BAZ1B: variants seen among roughly 807,000 people sequenced by gnomAD.
The protein encoded by BAZ1B is bromodomain adjacent to zinc finger domain 1B.
In BAZ1B, 22 loss-of-function variants were observed where a neutral mutation model predicts 153.8. The observed-to-expected ratio is 0.14, with a 90% CI of 0.10 to 0.20. BAZ1B has a LOEUF of 0.20. Ranked by LOEUF, BAZ1B falls within the 10% of genes least tolerant of loss-of-function variation. The pLI is 1.00. For synonymous variants in BAZ1B, 676 were observed against 633.4 expected, an observed-to-expected ratio of 1.07 and a Z score of -1.01; for missense variants, 1,325 against 1,799.3, an observed-to-expected ratio of 0.74 and a Z score of 4.77.
In BAZ1B at chr7:73,485,653, A is replaced by T. The variant is rs973211516; in HGVS notation, c.891+3541T>A. ...AAAAAAAAAAAAAAAGAGAGAGAGAATGATAAACAAATATGATAAATGTTA... is the reference window on the plus strand; with the variant it reads ...AAAAAAAAAAAAAAAGAGAGAGAGATTGATAAACAAATATGATAAATGTTA... On this transcript the variant is annotated intron_variant, in intron 6 of 19. Transcript: ENST00000339594. Among the ~76,000 whole-genome samples, 10 of 151,752 alleles carry T rather than the reference A, an allele frequency of 6.6e-5. 1 individual carries two copies. The East Asian group carries it at 1.9e-3, about 29-fold the overall frequency.
chr7:73,504,917 A>G (rs1447720936), intron 3 of BAZ1B, among the ~76,000 whole-genome samples: 4 of 152,190 alleles, frequency 2.6e-5, no homozygotes, highest in Non-Finnish European at 4.4e-5. Flanking sequence ...GAAAGGAGTC[A>G]GAGTAAATTA....
chr7:73,466,119 T>C (rs1159207624), intron 10 of BAZ1B, among the ~76,000 whole-genome samples, 177 bp downstream of exon 10: 3 of 152,154 alleles, frequency 2.0e-5, no homozygotes, highest in Admixed American at 1.3e-4. Context: ...AAAACAAGTA[T>C]CTTCTTAACA....
chr7:73,473,497 T>C (rs1299349986), intron 7 of BAZ1B, among the ~76,000 whole-genome samples: 1 of 152,060 alleles, frequency 6.6e-6, no homozygotes, highest in Non-Finnish European at 1.5e-5. Context: ...GAGGTTGCAG[T>C]GAGCCAGATC....
Position 73,478,371 on chromosome 7 carries a change from C to T in BAZ1B, c.1090G>A (p.Glu364Lys). 1.2e-6 allele frequency: 2 copies of T among 1,612,092 alleles called. No individual in the cohort carries two copies. Among genetic ancestry groups the T allele is most frequent in the South Asian group, 1.1e-5 (1 of 90,562 alleles). ...KNSKNSKSPE[E>K]HLEEMMKMMS... ...ATCTTCATCATTTCTTCTAGATGTT[C>T]TTCAGGAGATTTGGAATTCTTTGAG... is the stretch of plus-strand genomic sequence containing the variant. Residue 364 changes from glutamate (E) to lysine (K), a missense_variant, in exon 7 of 20, where the codon GAA becomes AAA. Glu to Lys is a moderately conservative substitution (Grantham distance 56, BLOSUM62 1). Coordinates refer to ENST00000339594, the MANE Select transcript of BAZ1B (RefSeq NM_032408.4).
Position 73,466,300 on chromosome 7 carries a change from G to C in BAZ1B, c.2968C>G (p.Leu990Val). The change falls in exon 10 of 20, where the codon CTA (leucine) becomes GTA (valine). Residue 990 changes from leucine to valine, a missense_variant. Physicochemically the swap from Leu to Val is conservative, Grantham distance 32. Coordinates refer to ENST00000339594, the MANE Select transcript of BAZ1B (RefSeq NM_032408.4). Reference sequence around the variant, plus strand: ...CCAGATGAATGCTCACATTACCATAGGTTCTGTCCTTGTTTGGGTGTGGTT... The same window carrying C: ...CCAGATGAATGCTCACATTACCATACGTTCTGTCCTTGTTTGGGTGTGGTT... ...ETTTPKQGQN[L>V]WFLCDSQKEL... 1 of 1,603,600 alleles carries C rather than the reference G, an allele frequency of 6.2e-7. No homozygotes were observed. The highest frequency in any genetic ancestry group is 8.5e-7 in the Non-Finnish European group (1 of 1,170,634).
At chr7:73,453,554 G>A (rs1199128256) in intron 13 of BAZ1B, among the ~76,000 whole-genome samples, 1 of 152,236 alleles carries the variant, frequency 6.6e-6, no homozygotes, top group Admixed American at 6.5e-5. Context: ...TATTGAACTT[G>A]AGTTAAAAAC....
At chr7:73,481,956 G>T (rs930712781) in intron 6 of BAZ1B, among the ~76,000 whole-genome samples, 3 of 151,460 alleles carry the variant, frequency 2.0e-5, no homozygotes, top group African/African-American at 7.3e-5. Context: ...GGAGAATGGC[G>T]TGAACCCGGG....
intron 1 of BAZ1B, 100 bp downstream of exon 1, chr7:73,521,727 C>T (rs1334848559): frequency 5.9e-6 from 6 of 1,021,184 alleles, no homozygotes; most frequent in Non-Finnish European, 6.5e-6. Context: ...CTGACAGCTG[C>T]CCCGGGCCGG....
chr7:73,489,090 T>C, intron 6 of BAZ1B, 104 bp downstream of exon 6: 1 of 1,209,568 alleles, frequency 8.3e-7, no homozygotes, highest in Non-Finnish European at 1.1e-6. Context: ...TAATTCATTA[T>C]CTGATGTTAG....
At chr7:73,500,890 T>TAAA (rs1207744313) in intron 3 of BAZ1B, among the ~76,000 whole-genome samples, 4 of 105,272 alleles carry the variant, frequency 3.8e-5, no homozygotes, top group East Asian at 2.6e-4. Context: ...ACTCTGTTTA[T>TAAA]AAAAAAAAAA....
chr7:73,521,319 A>C lies in BAZ1B; in HGVS notation c.107+508T>G, dbSNP rs1431172941. Among the ~76,000 whole-genome samples the C allele has an allele frequency of 2.0e-5, 3 of 152,166 alleles. No individual in the cohort carries two copies. In the East Asian group the frequency reaches 5.8e-4, roughly 29 times the overall value. ...CCCCTCGGGAGACGAAAAAAACGCC[A>C]AGTATCCCCGCAGAGATCGGGGTAA... On this transcript the variant is annotated intron_variant, in intron 1 of 19. Coordinates refer to ENST00000339594, the MANE Select transcript of BAZ1B (RefSeq NM_032408.4).
intron 4 of BAZ1B, among the ~76,000 whole-genome samples, chr7:73,494,682 G>A (rs1186403293): frequency 6.6e-6 from 1 of 152,116 alleles, no homozygotes; most frequent in Non-Finnish European, 1.5e-5. Context: ...CTGGGAGGTT[G>A]AGGCTGCAAT....
At chr7:73,481,987 C>T (rs1285621282) in intron 6 of BAZ1B, among the ~76,000 whole-genome samples, 1 of 152,086 alleles carries the variant, frequency 6.6e-6, no homozygotes, top group Non-Finnish European at 1.5e-5. Flanking sequence ...CGCAGTGAGC[C>T]GAGATCCCGC....
chr7:73,454,275 C>A (rs1163922591), intron 13 of BAZ1B, among the ~76,000 whole-genome samples: 1 of 151,952 alleles, frequency 6.6e-6, no homozygotes, highest in East Asian at 1.9e-4. Context: ...AGAGCCTGGG[C>A]AACACAGTGA....
Position 73,466,333 on chromosome 7 carries a change from C to T in BAZ1B, c.2935G>A (p.Val979Ile), listed in dbSNP as rs782505275. ...TQHGTATEVA[V>I]ETTTPKQGQN... The stretch of plus-strand genomic sequence containing the variant: ...CCTTGTTTGGGTGTGGTTGTCTCTA[C>T]AGCAACTTCTGTTGCTGTTCCATGT... Residue 979 changes from valine to isoleucine, a missense_variant, in exon 10 of 20, where the codon GTA (valine) becomes ATA (isoleucine). Val to Ile is a conservative substitution (Grantham distance 29). Transcript: ENST00000339594. The T allele has an allele frequency of 1.2e-6, 2 of 1,613,942 alleles. No individual in the cohort carries two copies. The highest frequency in any genetic ancestry group is 1.7e-6 in the Non-Finnish European group (2 of 1,179,844).
Position 73,466,320 on chromosome 7 carries a change from G to A in BAZ1B, c.2948C>T (p.Thr983Ile), listed in dbSNP as rs139629209. 1.7e-3 allele frequency: 2,708 copies of A among 1,612,858 alleles called. 3 individuals are homozygous for A. Among genetic ancestry groups the A allele is most frequent in the Non-Finnish European group, 2.1e-3 (2,492 of 1,178,872 alleles). The change falls in exon 10 of 20, where the codon ACA becomes ATA. Residue 983 changes from threonine to isoleucine, a missense_variant. Physicochemically the swap from Thr to Ile is moderately conservative, Grantham distance 89. Coordinates refer to ENST00000339594, the MANE Select transcript of BAZ1B (RefSeq NM_032408.4). The stretch of plus-strand genomic sequence containing the variant: ...CCATAGGTTCTGTCCTTGTTTGGGT[G>A]TGGTTGTCTCTACAGCAACTTCTGT... ...TATEVAVETTTPKQGQNLWFL... is the reference protein window; with the variant it reads ...TATEVAVETTIPKQGQNLWFL...
Position 73,519,934 on chromosome 7 carries a change from C to T in BAZ1B, c.107+1893G>A, listed in dbSNP as rs1268211906. 2.0e-5 allele frequency among the ~76,000 whole-genome samples: 3 copies of T among 151,366 alleles called. No individual in the cohort carries two copies. The East Asian group carries it at 5.8e-4, about 29-fold the overall frequency. On this transcript the variant is annotated intron_variant, in intron 1 of 19. Coordinates refer to ENST00000339594, the MANE Select transcript of BAZ1B (RefSeq NM_032408.4). ...TAAAAAGTAGGGTACTGGCCAGGCG[C>T]GGTGGCTCACGCCTGTTAATCCCAG...
chr7:73,444,500 C>G (rs1208777020), intron 16 of BAZ1B, among the ~76,000 whole-genome samples: 1 of 152,182 alleles, frequency 6.6e-6, no homozygotes, highest in African/African-American at 2.4e-5. Flanking sequence ...TTTCCCACAG[C>G]CCAAGCTCAG....
In BAZ1B at chr7:73,459,570, A is replaced by G. The variant is rs940267714; in HGVS notation, c.3398T>C (p.Val1133Ala). The G allele has an allele frequency of 9.9e-6, 16 of 1,613,546 alleles. No homozygotes were observed. The African/African-American group carries it at 2.1e-4, about 22-fold the overall frequency. ...QSEDSAKTEE[V>A]DEEKKMVEEA... ...CTCTACCATTTTCTTCTCTTCATCC[A>G]CTTCCTCAGTTTTTGCTGAATCTTC... Residue 1133 changes from valine (V) to alanine (A), a missense_variant, in exon 13 of 20, where the codon GTG becomes GCG. Around this residue, in one of 9 missense-constraint regions of BAZ1B, gnomAD observed 431 missense variants for 563.5 expected, o/e 0.76. Coordinates refer to ENST00000339594, the MANE Select transcript of BAZ1B (RefSeq NM_032408.4).
Sources: gnomAD v4.1 joint callset for allele counts (sites outside exome capture counted in the v4.1 genomes callset) on GRCh38, gnomAD v4.1.1 for gene constraint, gnomAD v4.1.1 regional missense constraint, MANE v1.5 for transcripts, NCBI Gene and HGNC (gene_info 2026-07-23, HGNC 2026-07-21) for gene names.